The following CHRDL1 variants were observed in gnomAD, a reference collection of about 807,000 sequenced individuals.
CHRDL1 encodes the protein chordin like 1.
Under a neutral mutation model 40.9 loss-of-function variants are expected in CHRDL1, and 19 were observed. The observed-to-expected ratio is 0.46, with a 90% confidence interval of 0.32 to 0.68. The LOEUF (loss-of-function observed/expected upper bound fraction) is 0.68. Ranked by LOEUF, CHRDL1 falls within the 30% of genes least tolerant of loss-of-function variation. The pLI, the probability that CHRDL1 is intolerant of heterozygous loss-of-function variation, is 0.03. For missense variants in CHRDL1, 329 were observed against 352.1 expected (o/e 0.93, Z 0.53); for synonymous variants, 136 against 123.4 (o/e 1.10, Z -0.68).
At chrX:110,784,537 G>A (rs974628569) in intron 2 of CHRDL1, among the ~76,000 whole-genome samples, 9 of 108,912 alleles carry the variant, frequency 8.3e-5, no homozygotes, top group East Asian at 2.9e-4. Flanking sequence ...TCAGCCTCCC[G>A]AGTAGCTGAG....
intron 2 of CHRDL1, among the ~76,000 whole-genome samples, chrX:110,781,968 A>G (rs1057335590): frequency 1.8e-5 from 2 of 111,964 alleles, no homozygotes; most frequent in African/African-American, 6.5e-5. Context: ...ATTTCAGCCA[A>G]TAGATTACAT....
rs1569461438 is a variant in CHRDL1 at position 110,689,432 on chromosome X, C to CTATATATCTATATATATCTATATATCTA, written c.779-657_779-630dup. 6.9e-5 allele frequency among the ~76,000 whole-genome samples: 5 copies of CTATATATCTATATATATCTATATATCTA among 72,197 alleles called. No homozygotes were observed. In the East Asian group the frequency reaches 1.0e-3, roughly 15 times the overall value. 62.7% of individuals were successfully genotyped at this position (72,197 alleles called of 115,157 possible). A position where few individuals can be genotyped will look rare whatever the true frequency, so the allele number is the denominator to read the frequency against. On this transcript the variant is annotated intron_variant, in intron 8 of 11. Coordinates refer to ENST00000372042, the MANE Select transcript of CHRDL1 (RefSeq NM_001143981.2). ...TATATATCTATATATATCTATATAT[C>CTATATATCTATATATATCTATATATCTA]TATATATCTATATATATCTATATAT... is the stretch of plus-strand genomic sequence containing the variant.
At chrX:110,793,990 G>A (rs530933325) in intron 1 of CHRDL1, among the ~76,000 whole-genome samples, 12 of 112,391 alleles carry the variant, frequency 1.1e-4, no homozygotes, top group Admixed American at 1.0e-3. Context: ...CTCCCAGGCT[G>A]TGATGGAGAA....
intron 4 of CHRDL1, among the ~76,000 whole-genome samples, chrX:110,727,425 C>T (rs2071078543): frequency 8.9e-6 from 1 of 112,056 alleles, no homozygotes; most frequent in South Asian, 3.7e-4. Flanking sequence ...GAGTTTGCTG[C>T]CATAAGACAC....
chrX:110,707,666 C>T (rs1275699291), intron 6 of CHRDL1, among the ~76,000 whole-genome samples: 1 of 111,782 alleles, frequency 8.9e-6, no homozygotes, highest in African/African-American at 3.3e-5. Context: ...AAGGCTTAAA[C>T]GTAAGACCTA....
intron 3 of CHRDL1, among the ~76,000 whole-genome samples, chrX:110,761,161 T>C (rs2089557144): frequency 8.9e-6 from 1 of 111,804 alleles, no homozygotes; most frequent in Admixed American, 9.5e-5. Context: ...GGTAATATCA[T>C]TATCCCATTT....
chrX:110,694,179 T>C lies in CHRDL1; in HGVS notation c.762A>G (p.Lys254=). The change falls in exon 8 of 12, where the codon AAA becomes AAG. Residue 254 remains lysine, a synonymous_variant. Coordinates refer to ENST00000372042, the MANE Select transcript of CHRDL1 (RefSeq NM_001143981.2). The part of the protein sequence containing the change: ...GTIVQIVINN[K]HKHGQVCVSN... ...GCCCCTTACCTTGTCCATGCTTGTG[T>C]TTGTTATTGATGACAATTTGCACAA... 1 of 1,209,249 alleles carries C rather than the reference T, an allele frequency of 8.3e-7. No individual in the cohort carries two copies. Among genetic ancestry groups the C allele is most frequent in the South Asian group, 1.8e-5 (1 of 56,804 alleles).
intron 11 of CHRDL1, among the ~76,000 whole-genome samples, chrX:110,678,032 C>G (rs746230227): frequency 8.0e-4 from 89 of 111,295 alleles, no homozygotes; most frequent in Non-Finnish European, 1.3e-3. Context: ...CTAATTCAGA[C>G]TATCCCACTT....
intron 4 of CHRDL1, among the ~76,000 whole-genome samples, chrX:110,755,397 G>A (rs1479641584): frequency 1.8e-5 from 2 of 112,150 alleles, no homozygotes; most frequent in African/African-American, 6.5e-5. Flanking sequence ...AGCAGGAGCT[G>A]TAGGAGACAA....
At chrX:110,688,573 C>T in intron 9 of CHRDL1, 21 bp downstream of exon 9, 1 of 1,152,270 alleles carries the variant, frequency 8.7e-7, no homozygotes, top group Non-Finnish European at 1.2e-6. Flanking sequence ...CAACCAAAAG[C>T]AGGGCCTCCA....
intron 8 of CHRDL1, among the ~76,000 whole-genome samples, chrX:110,691,613 G>A (rs1276697148): frequency 9.0e-6 from 1 of 111,698 alleles, no homozygotes; most frequent in Non-Finnish European, 1.9e-5. Context: ...GGAATTGGCT[G>A]ATTTGGCTGC....
chrX:110,739,330 C>T (rs1429323649), intron 4 of CHRDL1, among the ~76,000 whole-genome samples: 1 of 112,042 alleles, frequency 8.9e-6, no homozygotes, highest in African/African-American at 3.2e-5. Context: ...TCCTGGCACC[C>T]AGCTACACTA....
intron 9 of CHRDL1, among the ~76,000 whole-genome samples, chrX:110,682,488 T>A (rs1338498777): frequency 8.9e-6 from 1 of 112,526 alleles, no homozygotes. Flanking sequence ...TGGTTATCAG[T>A]GAGTTAAGTT....
intron 7 of CHRDL1, 107 bp downstream of exon 7, chrX:110,700,547 T>C (rs2070490594): frequency 3.6e-6 from 2 of 556,148 alleles, no homozygotes; most frequent in African/African-American, 2.3e-5. Context: ...AAAATGGTGT[T>C]AGAAATCGGG....
chrX:110,741,377 G>A (rs748481762), intron 4 of CHRDL1, among the ~76,000 whole-genome samples: 7 of 111,904 alleles, frequency 6.3e-5, no homozygotes, highest in Non-Finnish European at 1.3e-4. Flanking sequence ...GAATGACTCA[G>A]TGGAAAGTTG....
At chrX:110,790,543 TTCTC>T (rs1385225524) in intron 2 of CHRDL1, among the ~76,000 whole-genome samples, 1 of 111,242 alleles carries the variant, frequency 9.0e-6, no homozygotes, top group African/African-American at 3.3e-5. Flanking sequence ...TAAGGGAAGT[TTCTC>T]TCTAAGACAG....
chrX:110,691,403 T>TTATCTCCC (rs1215233040), intron 8 of CHRDL1, among the ~76,000 whole-genome samples: 1 of 110,116 alleles, frequency 9.1e-6, no homozygotes, highest in African/African-American at 3.3e-5. Context: ...CGAGGATGAG[T>TTATCTCCC]TATCTCCCTT....
At chrX:110,690,368 A>G (rs1308802178) in intron 8 of CHRDL1, among the ~76,000 whole-genome samples, 1 of 107,662 alleles carries the variant, frequency 9.3e-6, no homozygotes, top group Non-Finnish European at 1.9e-5. Context: ...ATATTCTCAT[A>G]TATATATATG....
At chrX:110,785,264 G>A (rs772197486) in intron 2 of CHRDL1, among the ~76,000 whole-genome samples, 1 of 111,722 alleles carries the variant, frequency 9.0e-6, no homozygotes, top group South Asian at 3.8e-4. Flanking sequence ...TACTACAAGT[G>A]CATTTTAGAG....
Sources: gnomAD v4.1 joint callset for allele counts (sites outside exome capture counted in the v4.1 genomes callset) on GRCh38, gnomAD v4.1.1 for gene constraint, MANE v1.5 for transcripts, NCBI Gene and HGNC (gene_info 2026-07-23, HGNC 2026-07-21) for gene names.